The following ULK4 variants were observed in gnomAD, a reference collection of about 807,000 sequenced individuals.
ULK4 encodes the protein inactive serine/threonine-protein kinase ULK4.
ULK4 carries 133 observed loss-of-function variants against 160.6 expected under a neutral mutation model. The observed-to-expected ratio is 0.83, with a 90% CI of 0.72 to 0.96. The LOEUF (loss-of-function observed/expected upper bound fraction) is 0.96, where lower values mean the gene tolerates loss of function less well. Among genes scored for constraint, ULK4 ranks in the 40% least tolerant of loss-of-function variants. The pLI is 0.00. For missense variants in ULK4, 1,580 were observed against 1,499.5 expected, an observed-to-expected ratio of 1.05 and a Z score of -0.89; for synonymous variants, 534 against 539.8, an observed-to-expected ratio of 0.99 and a Z score of 0.15.
chr3:41,506,503 C>G (rs1430741915), intron 32 of ULK4, among the ~76,000 whole-genome samples: 2 of 151,678 alleles, frequency 1.3e-5, no homozygotes, highest in African/African-American at 2.4e-5. Flanking sequence ...TGTAGAAATC[C>G]TGGATTGTAG....
intron 19 of ULK4, among the ~76,000 whole-genome samples, chr3:41,806,155 T>C (rs1157604970): frequency 6.8e-6 from 1 of 147,878 alleles, no homozygotes; most frequent in Non-Finnish European, 1.5e-5. Context: ...ATTGCCACAA[T>C]TTCAGAGCCT....
chr3:41,515,256 CAAAAAAAAA>C (rs1380094049), intron 32 of ULK4, among the ~76,000 whole-genome samples: 4 of 142,324 alleles, frequency 2.8e-5, no homozygotes, highest in Non-Finnish European at 4.6e-5. Context: ...GACTCCATCT[CAAAAAAAAA>C]GAAGAAAAAG....
At chr3:41,492,366 T>C (rs1190038393) in intron 32 of ULK4, among the ~76,000 whole-genome samples, 1 of 151,270 alleles carries the variant, frequency 6.6e-6, no homozygotes, top group Non-Finnish European at 1.5e-5. Context: ...AAAGTGTTCC[T>C]ATTTCTCCAC....
At chr3:41,484,534 G>A (rs577281264) in intron 32 of ULK4, among the ~76,000 whole-genome samples, 1 of 148,978 alleles carries the variant, frequency 6.7e-6, no homozygotes, top group African/African-American at 2.5e-5. Context: ...CTCACTGCAA[G>A]CTCCGCCTCC....
chr3:41,529,169 C>T (rs1456766986), intron 32 of ULK4, among the ~76,000 whole-genome samples: 2 of 152,166 alleles, frequency 1.3e-5, no homozygotes, highest in Non-Finnish European at 2.9e-5. Flanking sequence ...CAAATTCAAG[C>T]AATGCCCATT....
chr3:41,851,574 G>T (rs1312759214), intron 17 of ULK4, among the ~76,000 whole-genome samples: 2 of 152,108 alleles, frequency 1.3e-5, no homozygotes, highest in East Asian at 3.8e-4. Context: ...TTTGGTATCA[G>T]GATGATGCTG....
chr3:41,276,738 A>G (rs575573730), intron 35 of ULK4, among the ~76,000 whole-genome samples: 2 of 152,248 alleles, frequency 1.3e-5, no homozygotes, highest in Non-Finnish European at 2.9e-5. Flanking sequence ...CTGCAAATCA[A>G]TAAGTATAAG....
intron 2 of ULK4, among the ~76,000 whole-genome samples, chr3:41,948,722 TAA>T (rs11414127): frequency 1.5e-5 from 2 of 134,546 alleles, no homozygotes; most frequent in African/African-American, 5.6e-5. Flanking sequence ...CAACAACCTT[TAA>T]AAAAAAAAAA....
intron 21 of ULK4, among the ~76,000 whole-genome samples, chr3:41,763,381 G>A (rs1057499842): frequency 1.3e-5 from 2 of 151,772 alleles, no homozygotes; most frequent in Non-Finnish European, 2.9e-5. Flanking sequence ...CTGGCTCTTT[G>A]AAAAATATGA....
At chr3:41,694,817 A>C (rs903241164) in intron 27 of ULK4, among the ~76,000 whole-genome samples, 4 of 152,018 alleles carry the variant, frequency 2.6e-5, no homozygotes, top group Admixed American at 2.6e-4. Context: ...TCTTTTTTCA[A>C]ATATGTTTTA....
chr3:41,872,203 C>A (rs187176852), intron 17 of ULK4, among the ~76,000 whole-genome samples: 43 of 152,320 alleles, frequency 2.8e-4, no homozygotes, highest in African/African-American at 1.0e-3. Context: ...TACCAAGCCC[C>A]TCTTTACTTG....
intron 2 of ULK4, among the ~76,000 whole-genome samples, chr3:41,952,910 C>G (rs756294912): frequency 9.9e-5 from 15 of 152,102 alleles, no homozygotes; most frequent in Non-Finnish European, 1.8e-4. Flanking sequence ...CATGCTACAA[C>G]GTGGATAAAC....
At chr3:41,309,862 T>C (rs529221658) in intron 35 of ULK4, among the ~76,000 whole-genome samples, 24 of 151,072 alleles carry the variant, frequency 1.6e-4, no homozygotes, top group African/African-American at 5.4e-4. Context: ...TGAATTTTGG[T>C]AAATATATGG....
intron 34 of ULK4, among the ~76,000 whole-genome samples, chr3:41,426,230 A>G (rs902060145): frequency 4.6e-5 from 7 of 152,248 alleles, no homozygotes; most frequent in South Asian, 2.1e-4. Flanking sequence ...AGAGCTAACT[A>G]TCCTAAATAT....
At chr3:41,489,898 C>A (rs955152614) in intron 32 of ULK4, among the ~76,000 whole-genome samples, 1 of 152,134 alleles carries the variant, frequency 6.6e-6, no homozygotes, top group Admixed American at 6.5e-5. Flanking sequence ...ACATAGGAAT[C>A]TTTTTCTTTC....
intron 34 of ULK4, among the ~76,000 whole-genome samples, chr3:41,437,523 T>C (rs961106759): frequency 1.3e-5 from 2 of 152,168 alleles, no homozygotes; most frequent in Non-Finnish European, 2.9e-5. Flanking sequence ...TTTTGTGTCT[T>C]ACACACTATA....
intron 19 of ULK4, among the ~76,000 whole-genome samples, chr3:41,804,964 G>C (rs187221658): frequency 6.6e-6 from 1 of 151,770 alleles, no homozygotes; most frequent in Admixed American, 6.6e-5. Context: ...TTGGCGATGC[G>C]GGCTCTTTTT....
chr3:41,956,982 C>T (rs909939989), intron 1 of ULK4, among the ~76,000 whole-genome samples: 2 of 152,192 alleles, frequency 1.3e-5, no homozygotes, highest in African/African-American at 4.8e-5. Flanking sequence ...TCATCCTTCA[C>T]CTAAGGTATA....
chr3:41,904,737 T>TA (rs1698493880), intron 12 of ULK4, among the ~76,000 whole-genome samples: 1 of 152,106 alleles, frequency 6.6e-6, no homozygotes, highest in Admixed American at 6.6e-5. Flanking sequence ...AAAACTACAG[T>TA]AAAAACTAAA....
Sources: gnomAD v4.1 joint callset for allele counts (sites outside exome capture counted in the v4.1 genomes callset) on GRCh38, gnomAD v4.1.1 for gene constraint, MANE v1.5 for transcripts, NCBI Gene and HGNC (gene_info 2026-07-23, HGNC 2026-07-21) for gene names.